Variants in ERC2 observed in about 807,000 individuals in gnomAD.
ERC2 encodes the protein ELKS/RAB6-interacting/CAST family member 2.
ERC2 carries 42 observed loss-of-function variants against 114.8 expected under a neutral mutation model. The observed-to-expected ratio is 0.37, with a 90% confidence interval of 0.29 to 0.47. The LOEUF is 0.47. ERC2 is among the 20% of genes least tolerant of loss of function. ERC2 has a pLI of 0.99. For missense variants in ERC2, 939 were observed against 1,150.7 expected (o/e 0.82, Z 2.66); for synonymous variants, 454 against 425.5 (o/e 1.07, Z -0.82).
chr3:56,094,283 GC>G (rs532434636), intron 6 of ERC2, among the ~76,000 whole-genome samples: 95 of 152,292 alleles, frequency 6.2e-4, no homozygotes, highest in African/African-American at 2.2e-3. Context: ...CTTTTGAGAT[GC>G]CCTCTGTGGC....
intron 8 of ERC2, among the ~76,000 whole-genome samples, chr3:56,016,826 A>G (rs2073343380): frequency 6.6e-6 from 1 of 152,122 alleles, no homozygotes; most frequent in African/African-American, 2.4e-5. Context: ...TTAGTGGCTT[A>G]GGTGGGACTG....
At chr3:56,253,178 C>G (rs910454418) in intron 3 of ERC2, among the ~76,000 whole-genome samples, 1 of 152,162 alleles carries the variant, frequency 6.6e-6, no homozygotes, top group African/African-American at 2.4e-5. Context: ...GCTCCAGAGA[C>G]CATTCCCTTC....
At position 56,376,913 on chromosome 3, in the gene ERC2, T is replaced by A. The variant is rs563958233; in HGVS notation, c.657+57438A>T. ...AATACATGGGAGGCTATTTCTAAAA[T>A]ATCATTTGGGAGGCAACAGATGAAC... is the stretch of plus-strand genomic sequence containing the variant. On this transcript the variant is annotated intron_variant, in intron 2 of 17. Coordinates refer to ENST00000288221, the MANE Select transcript of ERC2 (RefSeq NM_015576.3). Among the ~76,000 whole-genome samples the A allele has an allele frequency of 4.9e-4, 74 of 152,260 alleles. 2 individuals are homozygous for A. Among genetic ancestry groups the A allele is most frequent in the African/African-American group, 1.8e-3 (74 of 41,550 alleles).
chr3:55,746,613 A>G lies in ERC2; in HGVS notation c.2565-11695T>C, dbSNP rs188655918. ...GAGGCAGCTCCTTTGAGAGAGTTTT[A>G]ATTCATGAGAAGGGAAAAGGCAGTT... is the stretch of plus-strand genomic sequence containing the variant. On this transcript the variant is annotated intron_variant, in intron 14 of 17. Coordinates refer to ENST00000288221, the MANE Select transcript of ERC2 (RefSeq NM_015576.3). Among the ~76,000 whole-genome samples, 308 of 152,322 alleles carry G rather than the reference A, an allele frequency of 2.0e-3. 3 individuals carry two copies. Among genetic ancestry groups the G allele is most frequent in the African/African-American group, 7.0e-3 (290 of 41,580 alleles).
At chr3:55,572,319 AG>A (rs2107527830) in intron 17 of ERC2, among the ~76,000 whole-genome samples, 1 of 152,300 alleles carries the variant, frequency 6.6e-6, no homozygotes, top group Non-Finnish European at 1.5e-5. Context: ...TGGCCCGGCC[AG>A]CTAGAGGCAC....
intron 3 of ERC2, among the ~76,000 whole-genome samples, chr3:56,226,989 C>G (rs766778934): frequency 3.3e-5 from 5 of 152,160 alleles, no homozygotes; most frequent in Non-Finnish European, 5.9e-5. Context: ...CACTTTACCT[C>G]CAGCTTACTT....
At chr3:56,179,197 G>C (rs1417398763) in intron 3 of ERC2, among the ~76,000 whole-genome samples, 1 of 152,154 alleles carries the variant, frequency 6.6e-6, no homozygotes, top group Non-Finnish European at 1.5e-5. Context: ...TAACGGAAAC[G>C]AGGGAACAAG....
intron 1 of ERC2, among the ~76,000 whole-genome samples, chr3:56,446,611 C>CT (rs71099636): frequency 0.061 from 7,342 of 120,092 alleles, 274 homozygotes; most frequent in Non-Finnish European, 0.084. Context: ...GCATTTTCTT[C>CT]TTTTTTTTTT....
In ERC2 at chr3:55,551,495, C is replaced by T. The variant is rs535267268; in HGVS notation, c.*40-40219G>A. Among the ~76,000 whole-genome samples the T allele has an allele frequency of 1.5e-3, 233 of 152,182 alleles. 1 individual carries two copies. Among genetic ancestry groups the T allele is most frequent in the African/African-American group, 5.2e-3 (216 of 41,530 alleles). On this transcript the variant is annotated intron_variant, in intron 17 of 17. Transcript: ENST00000288221. ...TTTTCACGGTGCCACTGCACTCCAG[C>T]CTTGGAGACAGAGTGCGATTCCGTC...
intron 7 of ERC2, among the ~76,000 whole-genome samples, chr3:56,074,727 C>G (rs1465333688): frequency 6.6e-6 from 1 of 152,124 alleles, no homozygotes; most frequent in Non-Finnish European, 1.5e-5. Flanking sequence ...CAGCCATTTC[C>G]TCTTCTGTGT....
At chr3:55,537,732 G>A (rs1795648) in intron 17 of ERC2, among the ~76,000 whole-genome samples, 98,975 of 152,094 alleles carry the variant, frequency 0.65, 33,675 homozygotes, top group East Asian at 0.83. Flanking sequence ...TTCTTGTAGA[G>A]AGCCTTAGAA....
chr3:56,179,542 T>C (rs2083173342), intron 3 of ERC2, among the ~76,000 whole-genome samples: 1 of 152,064 alleles, frequency 6.6e-6, no homozygotes, highest in Admixed American at 6.6e-5. Flanking sequence ...TTGCAAGGCA[T>C]GATAGAACCT....
chr3:55,883,442 A>G (rs2063203816), intron 14 of ERC2, among the ~76,000 whole-genome samples: 1 of 152,144 alleles, frequency 6.6e-6, no homozygotes, highest in African/African-American at 2.4e-5. Context: ...AAAGGATAGT[A>G]CCAGAGGTCA....
chr3:56,042,660 A>C (rs1203749386), intron 7 of ERC2, among the ~76,000 whole-genome samples: 4 of 152,178 alleles, frequency 2.6e-5, no homozygotes, highest in Non-Finnish European at 5.9e-5. Flanking sequence ...TTAAAGGTCT[A>C]GAATGCTCTT....
Position 56,408,791 on chromosome 3 carries a change from A to G in ERC2, c.657+25560T>C, listed in dbSNP as rs546544056. 5.9e-5 allele frequency among the ~76,000 whole-genome samples: 9 copies of G among 152,350 alleles called. No individual in the cohort carries two copies. In the East Asian group the frequency reaches 1.4e-3, roughly 23 times the overall value. On this transcript the variant is annotated intron_variant, in intron 2 of 17. Transcript: ENST00000288221. Reference sequence around the variant, plus strand: ...GAGAAGGGCTCCCCGAGTGGGTGCCATCTGGCTAAAGCCTGAGAGGGCAGT... The same window carrying G: ...GAGAAGGGCTCCCCGAGTGGGTGCCGTCTGGCTAAAGCCTGAGAGGGCAGT...
At chr3:56,218,150 A>G (rs1439421758) in intron 3 of ERC2, among the ~76,000 whole-genome samples, 1 of 152,202 alleles carries the variant, frequency 6.6e-6, no homozygotes, top group Non-Finnish European at 1.5e-5. Context: ...GGATCTAATT[A>G]AACTAAAGAG....
intron 2 of ERC2, among the ~76,000 whole-genome samples, chr3:56,302,468 A>C (rs1056384014): frequency 6.6e-6 from 1 of 152,198 alleles, no homozygotes; most frequent in African/African-American, 2.4e-5. Flanking sequence ...GACTGTGTAA[A>C]TATTGGAAGA....
intron 14 of ERC2, among the ~76,000 whole-genome samples, chr3:55,806,107 C>T (rs112679928): frequency 0.053 from 8,035 of 151,962 alleles, 288 homozygotes; most frequent in African/African-American, 0.097. Context: ...TGCCAAGGTG[C>T]GCAGATCAAT....
At chr3:56,039,613 C>T (rs574441006) in intron 7 of ERC2, among the ~76,000 whole-genome samples, 45 of 151,764 alleles carry the variant, frequency 3.0e-4, no homozygotes, top group Non-Finnish European at 5.0e-4. Context: ...ATGAAAATTC[C>T]GATGTCATTT....
Sources: gnomAD v4.1 joint callset for allele counts (sites outside exome capture counted in the v4.1 genomes callset) on GRCh38, gnomAD v4.1.1 for gene constraint, MANE v1.5 for transcripts, NCBI Gene and HGNC (gene_info 2026-07-23, HGNC 2026-07-21) for gene names.